The following DSCAM variants were observed in gnomAD, a reference collection of about 807,000 sequenced individuals.
The protein encoded by DSCAM is cell adhesion molecule DSCAM.
DSCAM carries 47 observed loss-of-function variants against 217.7 expected under a neutral mutation model. That is an observed-to-expected ratio of 0.22 (90% confidence interval 0.17 to 0.28). The LOEUF (loss-of-function observed/expected upper bound fraction) is 0.28, where lower values mean the gene tolerates loss of function less well. Ranked by LOEUF, DSCAM falls within the 10% of genes least tolerant of loss-of-function variation. DSCAM has a pLI of 1.00. For missense variants in DSCAM, 2,080 were observed against 2,618.3 expected (o/e 0.79, Z 4.49); for synonymous variants, 1,056 against 1,015.3 (o/e 1.04, Z -0.76).
At chr21:40,254,622 C>T (rs2073347446) in intron 11 of DSCAM, among the ~76,000 whole-genome samples, 2 of 152,138 alleles carry the variant, frequency 1.3e-5, no homozygotes, top group South Asian at 4.1e-4. Flanking sequence ...AAAGCCCAGG[C>T]CCCCAGCCCC....
At chr21:40,100,185 G>A (rs2089732224) in intron 20 of DSCAM, among the ~76,000 whole-genome samples, 1 of 152,144 alleles carries the variant, frequency 6.6e-6, no homozygotes. Context: ...TATGGATGGT[G>A]CATAACTCAA....
intron 1 of DSCAM, among the ~76,000 whole-genome samples, chr21:40,738,659 G>A (rs1165009023): frequency 3.3e-5 from 5 of 152,158 alleles, no homozygotes; most frequent in Non-Finnish European, 5.9e-5. Context: ...GACAGATTGC[G>A]GGGCCCCACC....
chr21:40,720,790 T>A (rs2090893165), intron 1 of DSCAM, among the ~76,000 whole-genome samples: 1 of 152,068 alleles, frequency 6.6e-6, no homozygotes, highest in South Asian at 2.1e-4. Context: ...AACTTGGTTA[T>A]ATTGTGGGGT....
chr21:40,598,751 C>T (rs536492886), intron 3 of DSCAM, among the ~76,000 whole-genome samples: 1 of 152,108 alleles, frequency 6.6e-6, no homozygotes, highest in Admixed American at 6.5e-5. Flanking sequence ...GATCTGCCCA[C>T]CTCGGCCTCC....
chr21:40,189,767 G>A (rs2090935610), intron 11 of DSCAM, among the ~76,000 whole-genome samples: 1 of 152,128 alleles, frequency 6.6e-6, no homozygotes, highest in Non-Finnish European at 1.5e-5. Context: ...GATGTGACTT[G>A]CTCCTCCTCG....
chr21:40,686,325 TAC>T (rs1182832664), intron 3 of DSCAM, among the ~76,000 whole-genome samples: 1 of 144,208 alleles, frequency 6.9e-6, no homozygotes, highest in African/African-American at 2.6e-5. Context: ...ACACCACATA[TAC>T]ACAGAGTACA....
intron 20 of DSCAM, among the ~76,000 whole-genome samples, chr21:40,120,409 G>A (rs1303420611): frequency 6.6e-6 from 1 of 152,190 alleles, no homozygotes; most frequent in Admixed American, 6.5e-5. Context: ...TGTGTATATA[G>A]TAAAAGCAGT....
At chr21:40,538,757 AT>A (rs2076519942) in intron 3 of DSCAM, among the ~76,000 whole-genome samples, 1 of 152,196 alleles carries the variant, frequency 6.6e-6, no homozygotes, top group Non-Finnish European at 1.5e-5. Context: ...CTCAGGTAGA[AT>A]TGCTTGATGA....
chr21:40,020,528 T>TGA (rs776489564), intron 32 of DSCAM, among the ~76,000 whole-genome samples: 93 of 149,838 alleles, frequency 6.2e-4, no homozygotes, highest in Non-Finnish European at 9.7e-4. Context: ...TGTGTGTGTG[T>TGA]GTGAGAGAGA....
intron 4 of DSCAM, among the ~76,000 whole-genome samples, chr21:40,361,416 C>T (rs143751874): frequency 0.012 from 1,767 of 152,166 alleles, 22 homozygotes; most frequent in Non-Finnish European, 0.017. Context: ...GTCAGGAGAT[C>T]GAGCCCATCC....
At chr21:40,813,831 G>A (rs1444406299) in intron 1 of DSCAM, among the ~76,000 whole-genome samples, 1 of 151,888 alleles carries the variant, frequency 6.6e-6, no homozygotes, top group Admixed American at 6.6e-5. Flanking sequence ...ATTTTTAGTA[G>A]AGACAGGGTT....
intron 3 of DSCAM, among the ~76,000 whole-genome samples, chr21:40,629,064 ATGTGTGTGTGTGGTGTGTGTGTG>A (rs1378646961): frequency 1.7e-5 from 2 of 117,504 alleles, no homozygotes; most frequent in African/African-American, 3.1e-5. Flanking sequence ...TGTGTGTAGT[ATGTGTGTGTGTGGTGTGTGTGTG>A]TGTGTGTGTG....
chr21:40,422,555 T>C (rs1016037205), intron 3 of DSCAM, among the ~76,000 whole-genome samples: 1 of 152,150 alleles, frequency 6.6e-6, no homozygotes, highest in Non-Finnish European at 1.5e-5. Flanking sequence ...GGCAGGAGAA[T>C]TGCTTGAATT....
chr21:40,541,366 G>A (rs1227269130), intron 3 of DSCAM, among the ~76,000 whole-genome samples: 3 of 152,146 alleles, frequency 2.0e-5, no homozygotes, highest in Non-Finnish European at 2.9e-5. Context: ...AATAAAGTGC[G>A]TGCTAGTAAG....
chr21:40,358,872 A>G (rs1480570765), intron 4 of DSCAM, among the ~76,000 whole-genome samples: 2 of 152,118 alleles, frequency 1.3e-5, no homozygotes, highest in Non-Finnish European at 2.9e-5. Context: ...AAAAAAATTG[A>G]AAATCATATT....
chr21:40,315,033 G>A (rs1235459744), intron 8 of DSCAM, among the ~76,000 whole-genome samples: 3 of 152,174 alleles, frequency 2.0e-5, no homozygotes, highest in Non-Finnish European at 4.4e-5. Flanking sequence ...ACAGGGAGAA[G>A]GAATACGTGA....
intron 3 of DSCAM, among the ~76,000 whole-genome samples, chr21:40,507,477 A>G (rs1442171581): frequency 3.9e-5 from 6 of 152,162 alleles, no homozygotes; most frequent in Non-Finnish European, 7.3e-5. Context: ...TCTAATGTCC[A>G]TCTTACATTT....
chr21:40,742,596 G>A (rs755403068), intron 1 of DSCAM, among the ~76,000 whole-genome samples: 1 of 152,186 alleles, frequency 6.6e-6, no homozygotes, highest in Non-Finnish European at 1.5e-5. Flanking sequence ...TGTGACAGCA[G>A]CAATATAAAA....
intron 3 of DSCAM, among the ~76,000 whole-genome samples, chr21:40,401,822 T>C (rs2075236312): frequency 6.6e-6 from 1 of 151,158 alleles, no homozygotes; most frequent in Admixed American, 6.6e-5. Context: ...TGTTCCCCTC[T>C]GGAGGCTGCT....
Sources: allele counts gnomAD v4.1 joint callset (sites outside exome capture counted in the v4.1 genomes callset), GRCh38; gene constraint gnomAD v4.1.1; transcripts MANE v1.5; gene names NCBI Gene and HGNC (gene_info 2026-07-23, HGNC 2026-07-21).